PBX3: variants seen among roughly 807,000 people sequenced by gnomAD.
PBX3 encodes the protein PBX homeobox 3.
PBX3 carries 14 observed loss-of-function variants against 48.5 expected under a neutral mutation model. That is an observed-to-expected ratio of 0.29 (90% CI 0.19 to 0.45). The LOEUF (loss-of-function observed/expected upper bound fraction) is 0.45. PBX3 is among the 20% of genes least tolerant of loss of function. PBX3 has a pLI of 1.00. For synonymous variants in PBX3, 210 were observed against 200.3 expected, an observed-to-expected ratio of 1.05 and a Z score of -0.41; for missense variants, 386 against 546.7, an observed-to-expected ratio of 0.71 and a Z score of 2.93.
chr9:125,873,395 T>G (rs1210035842), intron 2 of PBX3, among the ~76,000 whole-genome samples: 1 of 152,148 alleles, frequency 6.6e-6, no homozygotes, highest in Admixed American at 6.5e-5. Context: ...AACTATAGAA[T>G]ATGCATTTTT....
intron 2 of PBX3, among the ~76,000 whole-genome samples, chr9:125,894,827 T>C (rs1337189394): frequency 6.6e-6 from 1 of 152,108 alleles, no homozygotes; most frequent in Non-Finnish European, 1.5e-5. Flanking sequence ...GAGACAGCTA[T>C]AGCTTCGTGA....
intron 2 of PBX3, among the ~76,000 whole-genome samples, chr9:125,858,614 T>G (rs1411349597): frequency 6.8e-6 from 1 of 146,728 alleles, no homozygotes; most frequent in Non-Finnish European, 1.5e-5. Flanking sequence ...TTTGAAAGAC[T>G]TTGGTCCATT....
intron 3 of PBX3, among the ~76,000 whole-genome samples, chr9:125,924,705 G>A (rs544373706): frequency 1.3e-5 from 2 of 152,086 alleles, no homozygotes; most frequent in South Asian, 2.1e-4. Flanking sequence ...TCAAAATATC[G>A]TATTTATGGA....
chr9:125,948,114 A>T (rs1842104147), intron 5 of PBX3, among the ~76,000 whole-genome samples: 2 of 152,238 alleles, frequency 1.3e-5, no homozygotes, highest in South Asian at 4.1e-4. Flanking sequence ...AGAGGTTCTG[A>T]TTCAAAGTGT....
intron 2 of PBX3, among the ~76,000 whole-genome samples, chr9:125,793,747 ACATAGGTAAATACCAT>A (rs1171954931): frequency 1.3e-5 from 2 of 152,142 alleles, no homozygotes; most frequent in African/African-American, 2.4e-5. Flanking sequence ...ATAAGTTTTG[ACATAGGTAAATACCAT>A]CATTGCAGTT....
intron 2 of PBX3, among the ~76,000 whole-genome samples, chr9:125,832,815 T>C (rs192023627): frequency 6.6e-6 from 1 of 152,318 alleles, no homozygotes; most frequent in East Asian, 1.9e-4. Flanking sequence ...CTGCTTCATA[T>C]AGCTGCTGAT....
At chr9:125,958,640 C>T (rs1195873804) in intron 5 of PBX3, among the ~76,000 whole-genome samples, 1 of 152,090 alleles carries the variant, frequency 6.6e-6, no homozygotes, top group Non-Finnish European at 1.5e-5. Context: ...AGATCAGGAC[C>T]ACAAAGAAAA....
At chr9:125,804,292 G>T (rs1838054575) in intron 2 of PBX3, among the ~76,000 whole-genome samples, 1 of 152,144 alleles carries the variant, frequency 6.6e-6, no homozygotes, top group Non-Finnish European at 1.5e-5. Context: ...TTTCAAAGTT[G>T]GAAGAAATCT....
intron 5 of PBX3, among the ~76,000 whole-genome samples, chr9:125,955,277 C>T (rs996928162): frequency 1.3e-5 from 2 of 152,110 alleles, no homozygotes; most frequent in East Asian, 1.9e-4. Flanking sequence ...GAGCTTCTCC[C>T]GCTTCCTCTT....
At chr9:125,768,451 G>A (rs10986893) in intron 2 of PBX3, among the ~76,000 whole-genome samples, 3,050 of 152,054 alleles carry the variant, frequency 0.02, 166 homozygotes, top group East Asian at 0.17. Flanking sequence ...TTCTTAAAAC[G>A]TTAAGTTAAT....
At chr9:125,962,667 A>G (rs10987060) in intron 7 of PBX3, among the ~76,000 whole-genome samples, 95,927 of 152,112 alleles carry the variant, frequency 0.63, 31,777 homozygotes, top group East Asian at 0.77. Context: ...ATCTAGATGT[A>G]TGTGTATGAG....
chr9:125,883,898 T>A (rs940721226), intron 2 of PBX3, among the ~76,000 whole-genome samples: 21 of 152,356 alleles, frequency 1.4e-4, no homozygotes, highest in Non-Finnish European at 2.2e-4. Context: ...ATAGCTGTTT[T>A]TGTAAGAGAA....
At chr9:125,799,990 A>G (rs1242183812) in intron 2 of PBX3, among the ~76,000 whole-genome samples, 1 of 152,324 alleles carries the variant, frequency 6.6e-6, no homozygotes, top group East Asian at 1.9e-4. Context: ...TGTTTCAGCA[A>G]TGCTTATTAT....
At chr9:125,775,221 A>T (rs1242931561) in intron 2 of PBX3, among the ~76,000 whole-genome samples, 1 of 152,162 alleles carries the variant, frequency 6.6e-6, no homozygotes, top group Non-Finnish European at 1.5e-5. Flanking sequence ...TATTATCACC[A>T]GTAGTGAGTG....
At position 125,915,789 on chromosome 9, in the gene PBX3, T is replaced by C. The variant is rs1037662777; in HGVS notation, c.378T>C (p.Gly126=). The part of the protein sequence containing the change: ...LAEGVSGPEK[G]GGSAAAAAAA... ...AAGGGGTTTCAGGTCCTGAGAAAGG[T>C]GGGGGATCGGCGGCAGCAGCTGCAG... The change falls in exon 3 of 9, where the codon GGT becomes GGC. Residue 126 remains glycine, a synonymous_variant. Coordinates refer to ENST00000373489, the MANE Select transcript of PBX3 (RefSeq NM_006195.6). 6.2e-7 allele frequency: 1 copy of C among 1,613,850 alleles called. No individual in the cohort carries two copies. Among genetic ancestry groups the C allele is most frequent in the African/African-American group, 1.3e-5 (1 of 74,918 alleles).
At chr9:125,858,424 T>C (rs1839777391) in intron 2 of PBX3, among the ~76,000 whole-genome samples, 1 of 152,184 alleles carries the variant, frequency 6.6e-6, no homozygotes, top group African/African-American at 2.4e-5. Flanking sequence ...TAATGCTAAA[T>C]GGCAGCCATA....
intron 2 of PBX3, among the ~76,000 whole-genome samples, chr9:125,857,119 T>G (rs1055931890): frequency 1.3e-5 from 2 of 152,166 alleles, no homozygotes; most frequent in African/African-American, 4.8e-5. Context: ...GGATTTGAAT[T>G]TCAGGGGATT....
At chr9:125,819,520 C>T (rs1016237807) in intron 2 of PBX3, among the ~76,000 whole-genome samples, 30 of 151,116 alleles carry the variant, frequency 2.0e-4, no homozygotes, top group Non-Finnish European at 1.0e-4. Flanking sequence ...AGTGAAACTC[C>T]ATCTCAAAAA....
intron 2 of PBX3, among the ~76,000 whole-genome samples, chr9:125,856,539 G>A (rs1839728590): frequency 6.6e-6 from 1 of 152,240 alleles, no homozygotes; most frequent in Admixed American, 6.5e-5. Context: ...GCCTGGGTTA[G>A]CAGACGTGTG....
Sources: gnomAD v4.1 joint callset for allele counts (sites outside exome capture counted in the v4.1 genomes callset) on GRCh38, gnomAD v4.1.1 for gene constraint, MANE v1.5 for transcripts, NCBI Gene and HGNC (gene_info 2026-07-23, HGNC 2026-07-21) for gene names.